PRKCA: variants seen among roughly 807,000 people sequenced by gnomAD.
PRKCA encodes protein kinase C alpha type.
PRKCA carries 27 observed loss-of-function variants against 87.0 expected under a neutral mutation model. The ratio of observed to expected loss-of-function variants is 0.31; its 90% CI spans 0.23 to 0.43. PRKCA has a LOEUF of 0.43. Among genes scored for constraint, PRKCA ranks in the 20% least tolerant of loss-of-function variants. The pLI is 1.00. For synonymous variants in PRKCA, 329 were observed against 311.1 expected, an observed-to-expected ratio of 1.06 and a Z score of -0.61; for missense variants, 518 against 852.3, an observed-to-expected ratio of 0.61 and a Z score of 4.88.
intron 3 of PRKCA, among the ~76,000 whole-genome samples, chr17:66,518,830 G>A (rs1378903253): frequency 6.6e-6 from 1 of 152,174 alleles, no homozygotes; most frequent in African/African-American, 2.4e-5. Context: ...TTTCCTGTGT[G>A]ATGCTGCTGT....
At chr17:66,306,456 T>C in intron 2 of PRKCA, 1 of 253,108 alleles carries the variant, frequency 4.0e-6, no homozygotes, top group Non-Finnish European at 7.4e-6. Context: ...TTTTCTTCCT[T>C]GTTCTTCCTC....
chr17:66,339,994 C>T (rs1906942089), intron 2 of PRKCA: 2 of 152,192 alleles, frequency 1.3e-5, no homozygotes, highest in Non-Finnish European at 2.9e-5. Flanking sequence ...TACACTATAA[C>T]TCCTATTACA....
At chr17:66,449,646 C>A (rs925650321) in intron 2 of PRKCA, among the ~76,000 whole-genome samples, 2 of 152,130 alleles carry the variant, frequency 1.3e-5, no homozygotes, top group Non-Finnish European at 2.9e-5. Context: ...TGAAGCTGTT[C>A]CTTCTATGAG....
At chr17:66,437,731 T>TTTTTTTTTTTTAG (rs55779501) in intron 2 of PRKCA, among the ~76,000 whole-genome samples, 1 of 11,142 alleles carries the variant, frequency 9.0e-5, no homozygotes, top group Non-Finnish European at 1.6e-4. Context: ...TTTTTTTTTT[T>TTTTTTTTTTTTAG]GAGCGGGGGG....
chr17:66,635,100 A>T (rs1328094837), intron 3 of PRKCA, among the ~76,000 whole-genome samples: 1 of 152,182 alleles, frequency 6.6e-6, no homozygotes, highest in African/African-American at 2.4e-5. Flanking sequence ...CAGCAGGTGG[A>T]GTCCTGGCAG....
intron 2 of PRKCA, among the ~76,000 whole-genome samples, chr17:66,494,453 CAA>C (rs997098251): frequency 4.5e-4 from 69 of 152,244 alleles, no homozygotes; most frequent in Admixed American, 1.5e-3. Flanking sequence ...GGCAGAAGGG[CAA>C]AGAGACAAAA....
At chr17:66,465,779 A>T (rs762234115) in intron 2 of PRKCA, among the ~76,000 whole-genome samples, 1 of 152,202 alleles carries the variant, frequency 6.6e-6, no homozygotes, top group East Asian at 1.9e-4. Flanking sequence ...TAATTCGAAG[A>T]GACAACCATC....
At chr17:66,477,600 T>C (rs893244328) in intron 2 of PRKCA, among the ~76,000 whole-genome samples, 21 of 152,174 alleles carry the variant, frequency 1.4e-4, no homozygotes, top group Admixed American at 1.2e-3. Flanking sequence ...CTTGGGAGGC[T>C]GAGGCAGGAG....
At chr17:66,509,556 T>A (rs1169415327) in intron 3 of PRKCA, among the ~76,000 whole-genome samples, 1 of 152,198 alleles carries the variant, frequency 6.6e-6, no homozygotes. Context: ...TTCAACAGAT[T>A]GGATGAGATC....
chr17:66,744,216 C>A (rs2144242083), intron 13 of PRKCA, among the ~76,000 whole-genome samples: 1 of 152,206 alleles, frequency 6.6e-6, no homozygotes, highest in South Asian at 2.1e-4. Flanking sequence ...CTGGGATTTT[C>A]CCCCAAAAGA....
intron 8 of PRKCA, among the ~76,000 whole-genome samples, chr17:66,725,204 G>A (rs1973714443): frequency 6.6e-6 from 1 of 152,202 alleles, no homozygotes; most frequent in South Asian, 2.1e-4. Context: ...GAGAGAAGGA[G>A]TTCAGATTAT....
intron 14 of PRKCA, among the ~76,000 whole-genome samples, chr17:66,781,887 A>ATATATATATATATATAGT (rs767300220): frequency 1.9e-4 from 24 of 125,602 alleles, no homozygotes; most frequent in African/African-American, 7.6e-4. Context: ...ATATATATAT[A>ATATATATATATATATAGT]GTGTGTGTGT....
At chr17:66,800,925 A>G (rs1368808543) in intron 16 of PRKCA, among the ~76,000 whole-genome samples, 1 of 152,208 alleles carries the variant, frequency 6.6e-6, no homozygotes, top group Non-Finnish European at 1.5e-5. Flanking sequence ...TATCAAGAGA[A>G]GCACAGATGA....
intron 13 of PRKCA, 32 bp downstream of exon 13, chr17:66,742,792 G>A (rs1246040578): frequency 1.9e-6 from 3 of 1,608,716 alleles, no homozygotes; most frequent in South Asian, 2.2e-5. Flanking sequence ...TTCTCAACCA[G>A]GACTCCCAAA....
At chr17:66,530,987 T>C (rs558315773) in intron 3 of PRKCA, among the ~76,000 whole-genome samples, 1 of 152,344 alleles carries the variant, frequency 6.6e-6, no homozygotes, top group South Asian at 2.1e-4. Flanking sequence ...CTTAGATTTT[T>C]TGGGACACAA....
intron 9 of PRKCA, among the ~76,000 whole-genome samples, chr17:66,733,500 G>C (rs574252613): frequency 8.5e-5 from 13 of 152,166 alleles, no homozygotes; most frequent in Non-Finnish European, 1.9e-4. Context: ...ATTAAAATGA[G>C]GTGGAATTTG....
chr17:66,662,366 C>A (rs923519237), intron 5 of PRKCA, among the ~76,000 whole-genome samples: 11 of 152,146 alleles, frequency 7.2e-5, no homozygotes, highest in Admixed American at 5.9e-4. Context: ...TGTTTAATTT[C>A]CCTTTCTACT....
intron 8 of PRKCA, among the ~76,000 whole-genome samples, chr17:66,724,166 C>G (rs921428875): frequency 6.6e-6 from 1 of 152,108 alleles, no homozygotes; most frequent in Non-Finnish European, 1.5e-5. Context: ...GCTGCTGGTC[C>G]TAGGACCAGT....
intron 16 of PRKCA, among the ~76,000 whole-genome samples, chr17:66,796,211 G>T (rs2144407469): frequency 6.6e-6 from 1 of 152,316 alleles, no homozygotes; most frequent in East Asian, 1.9e-4. Flanking sequence ...TACTCTTCAT[G>T]ATCTTTTCTG....
Sources: gnomAD v4.1 joint callset for allele counts (sites outside exome capture counted in the v4.1 genomes callset) on GRCh38, gnomAD v4.1.1 for gene constraint, MANE v1.5 for transcripts, NCBI Gene and HGNC (gene_info 2026-07-23, HGNC 2026-07-21) for gene names.